Variants in PPIL2 observed in about 807,000 individuals in gnomAD.
PPIL2 encodes RING-type E3 ubiquitin-protein ligase PPIL2.
Under a neutral mutation model 75.2 loss-of-function variants are expected in PPIL2, and 50 were observed. The observed-to-expected ratio is 0.66, with a 90% CI of 0.53 to 0.84. PPIL2 has a LOEUF of 0.84. Ranked by LOEUF, PPIL2 falls within the 40% of genes least tolerant of loss-of-function variation. PPIL2 has a pLI of 0.00. For synonymous variants in PPIL2, 245 were observed against 258.8 expected, an observed-to-expected ratio of 0.95 and a Z score of 0.51; for missense variants, 590 against 685.0, an observed-to-expected ratio of 0.86 and a Z score of 1.55.
intron 6 of PPIL2, among the ~76,000 whole-genome samples, chr22:21,676,780 A>G (rs2066879922): frequency 6.6e-6 from 1 of 152,286 alleles, no homozygotes; most frequent in Admixed American, 6.5e-5. Context: ...CACAGCAACA[A>G]TCTGATTTCT....
At chr22:21,675,211 G>C in intron 6 of PPIL2, 96 bp downstream of exon 6, 1 of 1,157,074 alleles carries the variant, frequency 8.6e-7, no homozygotes, top group Non-Finnish European at 1.3e-6. Context: ...ATTGCTTTCT[G>C]ACCAAGCTAG....
At chr22:21,677,712 G>C (rs1406265128) in intron 6 of PPIL2, among the ~76,000 whole-genome samples, 1 of 152,018 alleles carries the variant, frequency 6.6e-6, no homozygotes, top group African/African-American at 2.4e-5. Context: ...AGAGGGAGAG[G>C]GAGGGACAGC....
chr22:21,669,015 A>ATTTT (rs71318713), intron 1 of PPIL2, among the ~76,000 whole-genome samples: 2 of 137,262 alleles, frequency 1.5e-5, no homozygotes, highest in East Asian at 4.4e-4. Context: ...CTGGCCCTCT[A>ATTTT]TTTTTTTTTT....
chr22:21,686,425 TC>T, intron 10 of PPIL2, 57 bp from the exon 11 acceptor site: 2 of 1,530,362 alleles, frequency 1.3e-6, no homozygotes, highest in Non-Finnish European at 1.8e-6. Flanking sequence ...AAGCGACACG[TC>T]CCCACCCAAC....
Position 21,695,681 on chromosome 22 carries a change from T to TG in PPIL2, c.*193dup. Reference sequence around the variant, plus strand: ...TCCCTTAACCTGTTGCCAAGGGCCTTGGCCCTGTTTCCAGGACCTGGCCCA... The same window carrying TG: ...TCCCTTAACCTGTTGCCAAGGGCCTTGGGCCCTGTTTCCAGGACCTGGCCCA... On this transcript the variant is annotated 3_prime_UTR_variant, in exon 20 of 20. Transcript: ENST00000398831. The TG allele has an allele frequency of 7.2e-7, 1 of 1,392,970 alleles. No individual in the cohort carries two copies. Among genetic ancestry groups the TG allele is most frequent in the Admixed American group, 2.9e-5 (1 of 34,160 alleles). 86.3% of individuals were successfully genotyped at this position (1,392,970 alleles called of 1,614,324 possible).
intron 2 of PPIL2, chr22:21,670,258 A>G (rs925926710): frequency 1.5e-6 from 2 of 1,320,928 alleles, no homozygotes; most frequent in South Asian, 1.4e-5. Flanking sequence ...TTTTTTCTCT[A>G]TCAAGTTTAT....
chr22:21,668,512 C>T (rs953974282), intron 1 of PPIL2, among the ~76,000 whole-genome samples: 1 of 150,730 alleles, frequency 6.6e-6, no homozygotes, highest in East Asian at 2.0e-4. Context: ...GCCTGTAGTA[C>T]CAGCTACTCG....
chr22:21,688,827 C>T lies in PPIL2; in HGVS notation c.1117C>T (p.Pro373Ser), dbSNP rs1024447362. ...RGILSMANSG[P>S]NSNRSQFFIT... ...CATCCTCAGCATGGCCAACTCCGGG[C>T]CCAACAGCAACAGGTCTCAATTGTG... The change falls in exon 15 of 20, where the codon CCC becomes TCC. Residue 373 changes from proline (P) to serine (S), a missense_variant. Transcript: ENST00000398831. 1.2e-5 allele frequency: 19 copies of T among 1,614,214 alleles called. No individual in the cohort carries two copies. Among genetic ancestry groups the T allele is most frequent in the Admixed American group, 1.7e-5 (1 of 60,028 alleles).
At chr22:21,687,943 G>T (rs1569038423) in intron 13 of PPIL2, 130 bp from the exon 14 acceptor site, 6 of 1,258,616 alleles carry the variant, frequency 4.8e-6, no homozygotes, top group Non-Finnish European at 6.9e-6. Flanking sequence ...TGGCTGGGAG[G>T]GCCCCTCATT....
chr22:21,678,405 GT>G (rs899917678), intron 6 of PPIL2, among the ~76,000 whole-genome samples: 19 of 151,860 alleles, frequency 1.3e-4, no homozygotes, highest in African/African-American at 4.6e-4. Flanking sequence ...TAGTTTTTGT[GT>G]TTTTTGTAGA....
chr22:21,667,073 C>T (rs146841609), intron 1 of PPIL2, among the ~76,000 whole-genome samples: 2 of 151,318 alleles, frequency 1.3e-5, no homozygotes, highest in Non-Finnish European at 2.9e-5. Flanking sequence ...TCTTTGTTTT[C>T]TCTCGACTTC....
rs751137683 is a variant in PPIL2 at position 21,686,993 on chromosome 22, G to A, written c.892G>A (p.Asp298Asn). Residue 298 changes from aspartate to asparagine, a missense_variant, in exon 12 of 20, where the codon GAC (aspartate) becomes AAC (asparagine). Transcript: ENST00000398831. ...KGDLNLELHC[D>N]LTPKTCENFI... ...CGACCTCAACCTGGAGCTGCACTGC[G>A]ACCTGGTGGGTGTGGAGGCCAGCCA... 8 of 1,612,974 alleles carry A rather than the reference G, an allele frequency of 5.0e-6. No individual in the cohort carries two copies. Among genetic ancestry groups the A allele is most frequent in the Middle Eastern group, 1.6e-4 (1 of 6,078 alleles).
chr22:21,693,903 G>A (rs199825669), intron 16 of PPIL2, 31 bp downstream of exon 16: 4 of 1,524,076 alleles, frequency 2.6e-6, no homozygotes, highest in Admixed American at 3.3e-5. Flanking sequence ...AAGCCTGGGG[G>A]GTCAGTGGGC....
chr22:21,686,414 C>T (rs2067363106), intron 10 of PPIL2, 69 bp from the exon 11 acceptor site: 10 of 1,473,706 alleles, frequency 6.8e-6, no homozygotes, highest in Non-Finnish European at 9.5e-6. Flanking sequence ...GGCTTCTAGG[C>T]AAGCGACACG....
intron 13 of PPIL2, 101 bp from the exon 14 acceptor site, chr22:21,687,972 C>G (rs2067445846): frequency 6.8e-7 from 1 of 1,469,404 alleles, no homozygotes; most frequent in South Asian, 1.2e-5. Context: ...GAGCCCAGCC[C>G]CTGTGTGGAG....
At position 21,692,376 on chromosome 22, in the gene PPIL2, G is replaced by A. The variant is rs528193135; in HGVS notation, c.1140-1440G>A. 3.3e-3 allele frequency among the ~76,000 whole-genome samples: 503 copies of A among 150,934 alleles called. 7 individuals carry two copies. Among genetic ancestry groups the A allele is most frequent in the South Asian group, 0.024 (114 of 4,762 alleles). On this transcript the variant is annotated intron_variant, in intron 15 of 19. Transcript: ENST00000398831. The stretch of plus-strand genomic sequence containing the variant: ...TCACCGTGTTAGCGAGGATGGTCTC[G>A]ATCTCCTGACCTTGTGATCCGCCCA...
intron 15 of PPIL2, among the ~76,000 whole-genome samples, chr22:21,692,680 CTT>C (rs2067724914): frequency 6.6e-6 from 1 of 151,760 alleles, no homozygotes; most frequent in African/African-American, 2.4e-5. Context: ...AATCCCAGCA[CTT>C]TGGGAGGCCA....
rs1394155524 is a variant in PPIL2, at chr22:21,688,102, C to T, written c.1017C>T (p.Gly339=). Residue 339 remains glycine (G), a synonymous_variant, in exon 14 of 20, where the codon GGC becomes GGT. Transcript: ENST00000398831. ...AAGGGGGCGACCCCACAGGCACAGG[C>T]ACGGGTAGGTACTGGTGCTGGGCCC... ...VIQGGDPTGT[G]TGGESYWGKP... 6.2e-7 allele frequency: 1 copy of T among 1,614,202 alleles called. No homozygotes were observed. Among genetic ancestry groups the T allele is most frequent in the South Asian group, 1.1e-5 (1 of 91,092 alleles).
rs1179075020 is a variant in PPIL2, at chr22:21,691,419, G to A, written c.1140-2397G>A. On this transcript the variant is annotated intron_variant, in intron 15 of 19. Coordinates refer to ENST00000398831, the MANE Select transcript of PPIL2 (RefSeq NM_014337.4). Reference sequence around the variant, plus strand: ...GAGGAGGCCAGGCGCGGTGGCTCATGCCTATAATCCCAGCACTTTGGGAGG... The same window carrying A: ...GAGGAGGCCAGGCGCGGTGGCTCATACCTATAATCCCAGCACTTTGGGAGG... Among the ~76,000 whole-genome samples the A allele has an allele frequency of 2.0e-5, 3 of 152,106 alleles. No homozygotes were observed. In the East Asian group the frequency reaches 5.8e-4, roughly 29 times the overall value.
Sources: gnomAD v4.1 joint callset for allele counts (sites outside exome capture counted in the v4.1 genomes callset) on GRCh38, gnomAD v4.1.1 for gene constraint, MANE v1.5 for transcripts, NCBI Gene and HGNC (gene_info 2026-07-23, HGNC 2026-07-21) for gene names.